SEPSECS: variants seen among roughly 807,000 people sequenced by gnomAD.
SEPSECS encodes the protein O-phosphoseryl-tRNA(Sec) selenium transferase.
In SEPSECS, 42 loss-of-function variants were observed where a neutral mutation model predicts 52.1. That is an observed-to-expected ratio of 0.81 (90% CI 0.63 to 1.04). The LOEUF is 1.04. Ranked by LOEUF, SEPSECS falls within the 50% of genes least tolerant of loss-of-function variation. The probability of loss-of-function intolerance (pLI) is 0.00; values close to 1 mark genes in which losing one functional copy is unlikely to be tolerated. For synonymous variants in SEPSECS, 216 were observed against 211.4 expected (o/e 1.02, Z -0.19); for missense variants, 590 against 610.6 (o/e 0.97, Z 0.36).
At chr4:25,134,828 C>A (rs1728769617) in intron 8 of SEPSECS, among the ~76,000 whole-genome samples, 1 of 151,816 alleles carries the variant, frequency 6.6e-6, no homozygotes, top group South Asian at 2.1e-4. Flanking sequence ...AAAGTGTCAC[C>A]CCTCAGCAAA....
intron 6 of SEPSECS, among the ~76,000 whole-genome samples, chr4:25,147,804 T>C (rs576310973): frequency 6.6e-6 from 1 of 151,758 alleles, no homozygotes; most frequent in African/African-American, 2.4e-5. Flanking sequence ...ATAAAAAAAA[T>C]TTATTTATAC....
intron 5 of SEPSECS, among the ~76,000 whole-genome samples, chr4:25,153,917 T>C (rs185035462): frequency 6.2e-4 from 94 of 152,148 alleles, no homozygotes; most frequent in East Asian, 1.3e-3. Context: ...AAGACGTTAG[T>C]CAAAATGAAA....
chr4:25,151,209 T>A (rs1307845535), intron 6 of SEPSECS, among the ~76,000 whole-genome samples: 5 of 152,222 alleles, frequency 3.3e-5, no homozygotes, highest in African/African-American at 1.2e-4. Context: ...TGACAGAGTT[T>A]CTGAGGAAGT....
chr4:25,158,537 A>C (rs1712830526), intron 2 of SEPSECS, among the ~76,000 whole-genome samples: 1 of 152,184 alleles, frequency 6.6e-6, no homozygotes, highest in Non-Finnish European at 1.5e-5. Context: ...GTTTAAACAC[A>C]GTTTAAAACA....
intron 10 of SEPSECS, 177 bp downstream of exon 10, chr4:25,125,517 T>C (rs1728323284): frequency 1.6e-6 from 1 of 636,162 alleles, no homozygotes; most frequent in Non-Finnish European, 2.8e-6. Context: ...GCATAAGCAG[T>C]CCACAGGTGG....
At chr4:25,156,701 C>A (rs1712669167) in intron 3 of SEPSECS, among the ~76,000 whole-genome samples, 155 bp downstream of exon 3, 2 of 102,752 alleles carry the variant, frequency 1.9e-5, no homozygotes, top group African/African-American at 8.2e-5. Context: ...GAGCTAGACT[C>A]CGTCTCAAAA....
At chr4:25,156,763 C>A in intron 3 of SEPSECS, 93 bp downstream of exon 3, 4 of 520,910 alleles carry the variant, frequency 7.7e-6, no homozygotes, top group Non-Finnish European at 1.5e-5. Flanking sequence ...CACTCATACT[C>A]TTTTTGGAAA....
At chr4:25,145,263 C>A in intron 6 of SEPSECS, 130 bp from the exon 7 acceptor site, 1 of 894,666 alleles carries the variant, frequency 1.1e-6, no homozygotes, top group Non-Finnish European at 1.8e-6. Context: ...AACCATTTTA[C>A]AATATATACA....
intron 6 of SEPSECS, among the ~76,000 whole-genome samples, chr4:25,147,110 G>A (rs562839480): frequency 4.6e-5 from 7 of 152,244 alleles, no homozygotes; most frequent in Non-Finnish European, 1.0e-4. Context: ...CAGAGTCTTG[G>A]CTGTTAGCTT....
At chr4:25,151,824 A>T in intron 6 of SEPSECS, 136 bp downstream of exon 6, 1 of 659,118 alleles carries the variant, frequency 1.5e-6, no homozygotes, top group Non-Finnish European at 2.8e-6. Flanking sequence ...TATCAGATGT[A>T]AGTTCCTAAC....
chr4:25,160,460 C>G (rs575694533), upstream of SEPSECS: 296 of 1,060,848 alleles, frequency 2.8e-4, 1 homozygote, highest in African/African-American at 4.4e-3. Context: ...GCCGCCTGGA[C>G]GGTACGGCAG....
In SEPSECS at chr4:25,160,273, G is replaced by T; in HGVS notation, c.97C>A (p.Arg33=). The change falls in exon 1 of 11, where the codon CGG becomes AGG. Residue 33 remains arginine, a synonymous_variant. Transcript: ENST00000382103. Reference sequence around the variant, plus strand: ...CTCGGTACCTTCTCCAGAAGCAGCCGTATGAGGTGCTCATGCGAGCGGCGG... The same window carrying T: ...CTCGGTACCTTCTCCAGAAGCAGCCTTATGAGGTGCTCATGCGAGCGGCGG... ...EARRSHEHLI[R]LLLEKGKCPE... 1 of 1,556,838 alleles carries T rather than the reference G, an allele frequency of 6.4e-7. No homozygotes were observed.
chr4:25,144,942 C>T, intron 7 of SEPSECS, 62 bp downstream of exon 7: 2 of 1,598,800 alleles, frequency 1.3e-6, no homozygotes, highest in South Asian at 2.2e-5. Context: ...CTACAATAGC[C>T]TATGTACAAA....
intron 8 of SEPSECS, among the ~76,000 whole-genome samples, chr4:25,141,119 C>G (rs1473040863): frequency 2.0e-5 from 3 of 152,082 alleles, no homozygotes; most frequent in Admixed American, 1.3e-4. Flanking sequence ...ATATACGGGT[C>G]TTGAGCATCT....
At chr4:25,133,466 G>C (rs976753601) in intron 8 of SEPSECS, among the ~76,000 whole-genome samples, 1 of 152,152 alleles carries the variant, frequency 6.6e-6, no homozygotes, top group African/African-American at 2.4e-5. Flanking sequence ...ATTCCTGCAG[G>C]TCATTTCCAA....
chr4:25,127,468 T>C (rs747664049), intron 8 of SEPSECS, 111 bp from the exon 9 acceptor site: 1 of 775,240 alleles, frequency 1.3e-6, no homozygotes, highest in Non-Finnish European at 2.2e-6. Flanking sequence ...CTCATCCATG[T>C]GCCTTAAGAC....
At chr4:25,124,622 A>G (rs946419762) in intron 10 of SEPSECS, among the ~76,000 whole-genome samples, 4 of 152,292 alleles carry the variant, frequency 2.6e-5, no homozygotes, top group Admixed American at 2.0e-4. Flanking sequence ...ATGACTTCAT[A>G]TATACACACT....
intron 8 of SEPSECS, 146 bp from the exon 9 acceptor site, chr4:25,127,503 A>G (rs180693579): frequency 5.4e-5 from 35 of 650,392 alleles, no homozygotes; most frequent in Non-Finnish European, 9.2e-5. Context: ...GCCACAATAC[A>G]GTGAAATTCA....
intron 8 of SEPSECS, among the ~76,000 whole-genome samples, chr4:25,142,347 ACCT>A (rs769371643): frequency 1.1e-4 from 17 of 151,886 alleles, no homozygotes; most frequent in Non-Finnish European, 2.4e-4. Flanking sequence ...TCCCACCACC[ACCT>A]CATCATCCCA....
Sources: gnomAD v4.1 joint callset for allele counts (sites outside exome capture counted in the v4.1 genomes callset) on GRCh38, gnomAD v4.1.1 for gene constraint, MANE v1.5 for transcripts, NCBI Gene and HGNC (gene_info 2026-07-23, HGNC 2026-07-21) for gene names.